The following ZIM3 variants were observed in gnomAD, a reference collection of about 807,000 sequenced individuals.
ZIM3 encodes the protein zinc finger imprinted 3.
In ZIM3, 11 loss-of-function variants were observed where a neutral mutation model predicts 12.9. The observed-to-expected ratio is 0.85, with a 90% CI of 0.54 to 1.41. The LOEUF (loss-of-function observed/expected upper bound fraction) is 1.41, where lower values mean the gene tolerates loss of function less well. Ranked by LOEUF, ZIM3 falls within the 40% of genes most tolerant of loss-of-function variation. The pLI, the probability that ZIM3 is intolerant of heterozygous loss-of-function variation, is 0.00. For missense variants in ZIM3, 604 were observed against 557.2 expected (o/e 1.08, Z -0.85); for synonymous variants, 205 against 198.5 (o/e 1.03, Z -0.28).
rs1411215785 is a variant in ZIM3, at chr19:57,137,853, AGG to A, written c.142+617_142+618del. 7.4e-4 allele frequency among the ~76,000 whole-genome samples: 30 copies of A among 40,400 alleles called. 1 individual carries two copies. The highest frequency in any genetic ancestry group is 1.1e-3 in the Non-Finnish European group (19 of 16,874). The allele number at this position is 40,400 out of a possible 152,430, so 26.5% of individuals were successfully genotyped here. A position where few individuals can be genotyped will look rare whatever the true frequency, so the allele number is the denominator to read the frequency against. On this transcript the variant is annotated intron_variant, in intron 3 of 4. Transcript: ENST00000269834. ...GAGGGAGGGAGAAAGGAAGGAAGGAAGGAAGGAAGGAAGGAAAGAAGGAAGGA... is the reference window on the plus strand; with the variant it reads ...GAGGGAGGGAGAAAGGAAGGAAGGAAAAGGAAGGAAGGAAAGAAGGAAGGA...
rs756326743 is a variant in ZIM3 at position 57,134,980 on chromosome 19, C to T, written c.1357G>A (p.Gly453Ser). 5.6e-6 allele frequency: 9 copies of T among 1,614,030 alleles called. No homozygotes were observed. The highest frequency in any genetic ancestry group is 6.8e-6 in the Non-Finnish European group (8 of 1,179,998). The change falls in exon 5 of 5, where the codon GGT becomes AGT. Residue 453 changes from glycine (G) to serine (S), a missense_variant. Gly to Ser is a moderately conservative substitution (Grantham distance 56). Coordinates refer to ENST00000269834, the MANE Select transcript of ZIM3 (RefSeq NM_052882.1). ...GQKPYGCSEC[G>S]KAFADRSYLV... ...TATGACCTGTCAGCGAAGGCTTTAC[C>T]GCATTCAGAACATCCATAAGGTTTT... is the stretch of plus-strand genomic sequence containing the variant.
Position 57,135,384 on chromosome 19 carries a change from T to C in ZIM3, c.953A>G (p.Tyr318Cys). The C allele has an allele frequency of 6.2e-7, 1 of 1,613,980 alleles. No homozygotes were observed. The highest frequency in any genetic ancestry group is 8.5e-7 in the Non-Finnish European group (1 of 1,179,872). ...CTGGTGTTTCACAAGATCTGACTTGTAAATGAAAGCCTTTCCACAGTCCGT... is the reference window on the plus strand; with the variant it reads ...CTGGTGTTTCACAAGATCTGACTTGCAAATGAAAGCCTTTCCACAGTCCGT... ...QCTDCGKAFI[Y>C]KSDLVKHQRI... Residue 318 changes from tyrosine (Y) to cysteine (C), a missense_variant, in exon 5 of 5, where the codon TAC (tyrosine) becomes TGC (cysteine). Transcript: ENST00000269834.
Position 57,135,009 on chromosome 19 carries a change from C to G in ZIM3, c.1328G>C (p.Gly443Ala). 6.2e-7 allele frequency: 1 copy of G among 1,614,094 alleles called. No homozygotes were observed. The highest frequency in any genetic ancestry group is 8.5e-7 in the Non-Finnish European group (1 of 1,180,018). The change falls in exon 5 of 5, where the codon GGA (glycine) becomes GCA (alanine). Residue 443 changes from glycine (G) to alanine (A), a missense_variant. Gly to Ala is a moderately conservative substitution (Grantham distance 60, BLOSUM62 0). Transcript: ENST00000269834. The stretch of plus-strand genomic sequence containing the variant: ...TTCAGAACATCCATAAGGTTTTTGT[C>G]CAGTATGGGTTTTTTTATGCAAACT... ...NLSLHKKTHT[G>A]QKPYGCSECG... is the part of the protein sequence containing the mutation.
chr19:57,135,884 G>C lies in ZIM3; in HGVS notation c.453C>G (p.Tyr151Ter). 1 of 1,614,028 alleles carries C rather than the reference G, an allele frequency of 6.2e-7. No homozygotes were observed. The highest frequency in any genetic ancestry group is 8.5e-7 in the Non-Finnish European group (1 of 1,180,002). Residue 151 changes from tyrosine to a stop codon, truncating the protein, a stop_gained, in exon 5 of 5, where the codon TAC (tyrosine) becomes TAG (stop). Transcript: ENST00000269834. LOFTEE classifies it low-confidence loss of function (END_TRUNC). ...ATGGATTATTGCCAACTAATTTTCT[G>C]TATCCATTATCATCGTGAGAATTAT... The part of the protein sequence containing the change: ...VQNNSHDDNG[Y>*]RKLVGNNPSK...
chr19:57,143,610 C>T (rs1262599462), intron 1 of ZIM3, among the ~76,000 whole-genome samples: 2 of 151,846 alleles, frequency 1.3e-5, no homozygotes, highest in African/African-American at 2.4e-5. Flanking sequence ...CGCGTGGCAG[C>T]TCACACCTAT....
intron 2 of ZIM3, among the ~76,000 whole-genome samples, chr19:57,141,768 C>T (rs2086914965): frequency 6.6e-6 from 1 of 151,676 alleles, no homozygotes; most frequent in African/African-American, 2.4e-5. Context: ...GAAGGAGAAT[C>T]GCTTGAACCT....
At chr19:57,143,489 G>A (rs1406701566) in intron 1 of ZIM3, among the ~76,000 whole-genome samples, 3 of 152,104 alleles carry the variant, frequency 2.0e-5, no homozygotes, top group Admixed American at 6.6e-5. Context: ...AGCTGTGGTC[G>A]TGACGAATAA....
chr19:57,141,153 G>T (rs1332935512), intron 2 of ZIM3, among the ~76,000 whole-genome samples: 1 of 151,986 alleles, frequency 6.6e-6, no homozygotes, highest in Non-Finnish European at 1.5e-5. Context: ...CCAGAACTTT[G>T]GGAGGCTGAG....
Position 57,134,851 on chromosome 19 carries a change from A to C in ZIM3, c.*67T>G. 5 of 1,488,892 alleles carry C rather than the reference A, an allele frequency of 3.4e-6. No homozygotes were observed. Among genetic ancestry groups the C allele is most frequent in the Non-Finnish European group, 3.6e-6 (4 of 1,105,324 alleles). 92.2% of individuals were successfully genotyped at this position (1,488,892 alleles called of 1,614,324 possible). A position where few individuals can be genotyped will look rare whatever the true frequency, so the allele number is the denominator to read the frequency against. ...CCTCCAAATTAGAGGCCATTTCAAC[A>C]TGGAATTCTGGGGTGACAATTCCAG... On this transcript the variant is annotated 3_prime_UTR_variant, in exon 5 of 5. Coordinates refer to ENST00000269834, the MANE Select transcript of ZIM3 (RefSeq NM_052882.1).
intron 2 of ZIM3, among the ~76,000 whole-genome samples, chr19:57,139,792 C>G (rs889240139): frequency 5.3e-5 from 8 of 152,156 alleles, no homozygotes; most frequent in Admixed American, 6.6e-5. Flanking sequence ...TACATCTAAA[C>G]TGACTGTAAT....
In ZIM3 at chr19:57,134,617, G is replaced by A. The variant is rs1261703473; in HGVS notation, c.*301C>T. On this transcript the variant is annotated 3_prime_UTR_variant, in exon 5 of 5. Coordinates refer to ENST00000269834, the MANE Select transcript of ZIM3 (RefSeq NM_052882.1). ...TCTTTTAAACGTTTTTAAAGATATG[G>A]ATACCACTGGTCATTATTCACTGGA... 1.0e-5 allele frequency: 3 copies of A among 299,530 alleles called. No homozygotes were observed. The highest frequency in any genetic ancestry group is 6.5e-5 in the African/African-American group (3 of 46,298). 18.6% of individuals were successfully genotyped at this position (299,530 alleles called of 1,614,324 possible). A position where few individuals can be genotyped will look rare whatever the true frequency, so the allele number is the denominator to read the frequency against.
chr19:57,138,583 C>G lies in ZIM3; in HGVS notation c.31G>C (p.Glu11Gln). 1.9e-6 allele frequency: 3 copies of G among 1,614,114 alleles called. No individual in the cohort carries two copies. Among genetic ancestry groups the G allele is most frequent in the South Asian group, 1.1e-5 (1 of 91,078 alleles). MNNSQGRVTF[E>Q]DVTVNFTQGE... Reference sequence around the variant, plus strand: ...TGGGTGAAGTTCACAGTGACATCCTCGAAGGTCACTCTTCCCTGTAACAAC... The same window carrying G: ...TGGGTGAAGTTCACAGTGACATCCTGGAAGGTCACTCTTCCCTGTAACAAC... Residue 11 changes from glutamate to glutamine, a missense_variant, in exon 3 of 5, where the codon GAG becomes CAG. Transcript: ENST00000269834.
chr19:57,139,514 T>C (rs1046244144), intron 2 of ZIM3, among the ~76,000 whole-genome samples: 11 of 151,832 alleles, frequency 7.2e-5, no homozygotes, highest in Admixed American at 3.9e-4. Context: ...TCACCCGGGG[T>C]CAGGAGTTCG....
At chr19:57,140,434 C>A (rs7254420) in intron 2 of ZIM3, among the ~76,000 whole-genome samples, 61,844 of 151,724 alleles carry the variant, frequency 0.41, 14,431 homozygotes, top group South Asian at 0.56. Flanking sequence ...CATCGGCCTC[C>A]CGAAGAGCTG....
At chr19:57,137,027 C>A in intron 3 of ZIM3, 56 bp from the exon 4 acceptor site, 1 of 1,554,416 alleles carries the variant, frequency 6.4e-7, no homozygotes, top group Non-Finnish European at 8.9e-7. Flanking sequence ...GTTGTTTGTG[C>A]AAGTGTATGA....
intron 2 of ZIM3, among the ~76,000 whole-genome samples, chr19:57,140,672 A>G (rs901658649): frequency 6.6e-6 from 1 of 151,880 alleles, no homozygotes; most frequent in Non-Finnish European, 1.5e-5. Context: ...GGGTCTCACT[A>G]TATTGTCCAG....
At chr19:57,141,545 G>T (rs566569436) in intron 2 of ZIM3, among the ~76,000 whole-genome samples, 1 of 151,424 alleles carries the variant, frequency 6.6e-6, no homozygotes, top group Non-Finnish European at 1.5e-5. Context: ...TGACCCTTCC[G>T]CTGTTAAAGC....
rs115845279 is a variant in ZIM3, at chr19:57,142,091, T to C, written c.15+538A>G. On this transcript the variant is annotated intron_variant, in intron 2 of 4. Transcript: ENST00000269834. ...CATTGTCTCAGTCATTGGCTTTCTG[T>C]GCAGCCAGTAGCAGGACCTAGACCA... 2.2e-3 allele frequency among the ~76,000 whole-genome samples: 339 copies of C among 151,458 alleles called. 1 individual carries two copies. The highest frequency in any genetic ancestry group is 8.0e-3 in the African/African-American group (328 of 41,248).
Position 57,138,078 on chromosome 19 carries a change from A to G in ZIM3, c.142+394T>C, listed in dbSNP as rs148611711. Among the ~76,000 whole-genome samples, 468 of 56,336 alleles carry G rather than the reference A, an allele frequency of 8.3e-3. 14 individuals carry two copies. Among genetic ancestry groups the G allele is most frequent in the East Asian group, 0.079 (46 of 580 alleles). The allele number at this position is 56,336 out of a possible 152,430, so 37.0% of individuals were successfully genotyped here. ...AAGAAGGAAGGAAGGAAGGAAGGAA[A>G]GAAGGGAGGTAGGAAGGGAGGAAGG... is the stretch of plus-strand genomic sequence containing the variant. On this transcript the variant is annotated intron_variant, in intron 3 of 4. Transcript: ENST00000269834.
Sources: allele counts gnomAD v4.1 joint callset (sites outside exome capture counted in the v4.1 genomes callset), GRCh38; gene constraint gnomAD v4.1.1; transcripts MANE v1.5; gene names NCBI Gene and HGNC (gene_info 2026-07-23, HGNC 2026-07-21).